The following DPYSL2 variants were observed in gnomAD, a reference collection of about 807,000 sequenced individuals.
DPYSL2 encodes the protein dihydropyrimidinase like 2.
In DPYSL2, 13 loss-of-function variants were observed where a neutral mutation model predicts 69.9. The ratio of observed to expected loss-of-function variants is 0.19; its 90% CI spans 0.12 to 0.30. DPYSL2 has a LOEUF of 0.30. Among genes scored for constraint, DPYSL2 ranks in the 10% least tolerant of loss-of-function variants. DPYSL2 has a pLI of 1.00. For synonymous variants in DPYSL2, 326 were observed against 359.1 expected (o/e 0.91, Z 1.04); for missense variants, 587 against 918.9 (o/e 0.64, Z 4.67).
chr8:26,599,538 C>T (rs1270128246), intron 3 of DPYSL2, among the ~76,000 whole-genome samples: 7 of 150,262 alleles, frequency 4.7e-5, no homozygotes, highest in Admixed American at 3.3e-4. Flanking sequence ...TCTCCCTCCC[C>T]TCCCCTCCCC....
In DPYSL2 at chr8:26,514,577, G is replaced by T; in HGVS notation, c.252G>T (p.Arg84=). 6.6e-7 allele frequency: 1 copy of T among 1,522,648 alleles called. No homozygotes were observed. The allele number at this position is 1,522,648 out of a possible 1,614,324, so 94.3% of individuals were successfully genotyped here. ...LGPDPQPPYS[R]QGRRAGGEPS... is the part of the protein sequence containing the mutation. ...CGGACCCGCAGCCGCCGTACTCGCG[G>T]CAGGGCCGGCGCGCCGGCGGAGAGC... The change falls in exon 1 of 14, where the codon CGG becomes CGT. Residue 84 remains arginine, a synonymous_variant. Coordinates refer to ENST00000521913, the MANE Select transcript of DPYSL2 (RefSeq NM_001197293.3). This position sits in a 1 kb window ranked among gnomAD's most constrained non-coding sequence, Gnocchi z 8.4.
At chr8:26,556,087 AC>A (rs1236906558) in intron 1 of DPYSL2, among the ~76,000 whole-genome samples, 1 of 67,624 alleles carries the variant, frequency 1.5e-5, no homozygotes, top group Non-Finnish European at 2.7e-5. Context: ...TATAGTATAT[AC>A]TATATAAATT....
chr8:26,542,042 G>T (rs891265269), intron 1 of DPYSL2, among the ~76,000 whole-genome samples: 2 of 152,166 alleles, frequency 1.3e-5, no homozygotes, highest in Non-Finnish European at 2.9e-5. Flanking sequence ...AGGCCCAGGT[G>T]GGAAGATTGC....
Position 26,599,533 on chromosome 8 carries a change from C to T in DPYSL2, c.628+15550C>T, listed in dbSNP as rs58513343. Among the ~76,000 whole-genome samples, 993 of 149,834 alleles carry T rather than the reference C, an allele frequency of 6.6e-3. 14 individuals are homozygous for T. Among genetic ancestry groups the T allele is most frequent in the African/African-American group, 0.024 (965 of 40,734 alleles). ...AAAATTTCTGAGTAAGAGTATCTCC[C>T]TCCCCTCCCCTCCCCTCCCTCCACT... On this transcript the variant is annotated intron_variant, in intron 3 of 13. Transcript: ENST00000521913.
chr8:26,581,705 CT>C (rs796222341), intron 1 of DPYSL2, among the ~76,000 whole-genome samples: 2,903 of 146,846 alleles, frequency 0.02, 97 homozygotes, highest in African/African-American at 0.068. Context: ...ATTTTCACTG[CT>C]TTTTTTTTTT....
chr8:26,514,691 G>C lies in DPYSL2; in HGVS notation c.354+12G>C. 7.2e-7 allele frequency: 1 copy of C among 1,391,146 alleles called. No individual in the cohort carries two copies. The highest frequency in any genetic ancestry group is 9.3e-7 in the Non-Finnish European group (1 of 1,076,584). The allele number at this position is 1,391,146 out of a possible 1,614,324, so 86.2% of individuals were successfully genotyped here. A position where few individuals can be genotyped will look rare whatever the true frequency, so the allele number is the denominator to read the frequency against. On this transcript the variant is annotated intron_variant, in intron 1 of 13. Transcript: ENST00000521913. The surrounding 1 kb of genome is among the most constrained non-coding windows in gnomAD (Gnocchi z 8.4). ...ACATCAACGACCAGGTCGGTGTGGG[G>C]GTTGGGGGTGGAGACGGAGGACGGG...
intron 1 of DPYSL2, among the ~76,000 whole-genome samples, chr8:26,542,301 C>T (rs891965377): frequency 4.6e-5 from 7 of 151,778 alleles, no homozygotes; most frequent in Non-Finnish European, 7.4e-5. Flanking sequence ...AACAAAACAA[C>T]AAAAAACCCA....
intron 1 of DPYSL2, among the ~76,000 whole-genome samples, chr8:26,570,003 G>A (rs755275240): frequency 6.6e-6 from 1 of 152,104 alleles, no homozygotes; most frequent in Non-Finnish European, 1.5e-5. Context: ...ACCAACATGG[G>A]TAACATAGTG....
rs562798463 is a variant in DPYSL2, at chr8:26,547,205, A to T, written c.354+32526A>T. On this transcript the variant is annotated intron_variant, in intron 1 of 13. Coordinates refer to ENST00000521913, the MANE Select transcript of DPYSL2 (RefSeq NM_001197293.3). ...TGGCGAAATCCTGTCTCTACTAAAA[A>T]TGCAAAAATTAGCCGGGTGTGGTGG... Among the ~76,000 whole-genome samples the T allele has an allele frequency of 6.2e-4, 94 of 151,672 alleles. 2 individuals are homozygous for T. The South Asian group carries it at 0.019, about 31-fold the overall frequency.
At chr8:26,577,735 C>G (rs1801386021) in intron 1 of DPYSL2, 1 of 895,866 alleles carries the variant, frequency 1.1e-6, no homozygotes, top group African/African-American at 1.8e-5. Flanking sequence ...GCTCCCAGCG[C>G]GGGCGCTCGC....
At chr8:26,570,374 A>G (rs1409576776) in intron 1 of DPYSL2, among the ~76,000 whole-genome samples, 3 of 152,184 alleles carry the variant, frequency 2.0e-5, no homozygotes, top group African/African-American at 7.2e-5. Context: ...AAAGAAAGAC[A>G]GCCGATCACC....
intron 1 of DPYSL2, among the ~76,000 whole-genome samples, chr8:26,575,960 C>A (rs1291551096): frequency 6.6e-6 from 1 of 152,118 alleles, no homozygotes; most frequent in Non-Finnish European, 1.5e-5. Flanking sequence ...AGTAGAAAGG[C>A]GTATTTTAAG....
chr8:26,646,380 C>T (rs1429357537), intron 10 of DPYSL2, among the ~76,000 whole-genome samples: 1 of 152,178 alleles, frequency 6.6e-6, no homozygotes, highest in Non-Finnish European at 1.5e-5. Flanking sequence ...TTATACGCCA[C>T]CACCAATATA....
At chr8:26,553,898 C>CTTTTTT (rs35594312) in intron 1 of DPYSL2, among the ~76,000 whole-genome samples, 2 of 117,064 alleles carry the variant, frequency 1.7e-5, no homozygotes, top group African/African-American at 6.7e-5. Context: ...TATTTTTGGG[C>CTTTTTT]TTTTTTTTTT....
chr8:26,556,139 A>AC (rs1563384859), intron 1 of DPYSL2, among the ~76,000 whole-genome samples: 1 of 3,298 alleles, frequency 3.0e-4, no homozygotes, highest in African/African-American at 9.1e-4. Flanking sequence ...TATATACTAT[A>AC]TATAGTATAT....
intron 11 of DPYSL2, among the ~76,000 whole-genome samples, chr8:26,649,221 G>A (rs567125814): frequency 6.6e-5 from 10 of 152,354 alleles, no homozygotes; most frequent in Admixed American, 6.5e-4. Context: ...GGTTGAGCCA[G>A]AATTAGAACC....
At chr8:26,549,645 C>T (rs1452941509) in intron 1 of DPYSL2, among the ~76,000 whole-genome samples, 1 of 152,024 alleles carries the variant, frequency 6.6e-6, no homozygotes. Flanking sequence ...AAATCAAAGA[C>T]AGAAAGAAAA....
At chr8:26,555,749 G>T (rs1227673667) in intron 1 of DPYSL2, among the ~76,000 whole-genome samples, 2 of 150,538 alleles carry the variant, frequency 1.3e-5, no homozygotes, top group South Asian at 2.1e-4. Context: ...TAGCTTGGTT[G>T]GGGGGCGTGC....
Position 26,627,138 on chromosome 8 carries a change from TG to T in DPYSL2, c.856-75del. Reference sequence around the variant, plus strand: ...CTGTTTCTCATCCCAGAAATGCCTCTGGTGGGGAGATGATTGTCTTTGTGAA... The same window carrying T: ...CTGTTTCTCATCCCAGAAATGCCTCTGTGGGGAGATGATTGTCTTTGTGAA... On this transcript the variant is annotated intron_variant, in intron 5 of 13. Coordinates refer to ENST00000521913, the MANE Select transcript of DPYSL2 (RefSeq NM_001197293.3). The surrounding 1 kb of genome is among the most constrained non-coding windows in gnomAD (Gnocchi z 6.9). 1 of 1,380,230 alleles carries T rather than the reference TG, an allele frequency of 7.2e-7. No homozygotes were observed. 85.5% of individuals were successfully genotyped at this position (1,380,230 alleles called of 1,614,324 possible).
Sources: allele counts gnomAD v4.1 joint callset (sites outside exome capture counted in the v4.1 genomes callset), GRCh38; gene constraint gnomAD v4.1.1; non-coding constraint Gnocchi (gnomAD v3.1); transcripts MANE v1.5; gene names NCBI Gene and HGNC (gene_info 2026-07-23, HGNC 2026-07-21).